NXPE3: variants seen among roughly 807,000 people sequenced by gnomAD.
NXPE3 encodes the protein neurexophilin and PC-esterase domain family member 3, also known as NXPE family member 3.
Under a neutral mutation model 46.1 loss-of-function variants are expected in NXPE3, and 26 were observed. That is an observed-to-expected ratio of 0.56 (90% confidence interval 0.41 to 0.78). The LOEUF is 0.78. Ranked by LOEUF, NXPE3 falls within the 30% of genes least tolerant of loss-of-function variation. The probability of loss-of-function intolerance (pLI) is 0.00; values close to 1 mark genes in which losing one functional copy is unlikely to be tolerated. For missense variants in NXPE3, 620 were observed against 686.0 expected (o/e 0.90, Z 1.07); for synonymous variants, 272 against 257.9 (o/e 1.05, Z -0.52).
intron 3 of NXPE3, among the ~76,000 whole-genome samples, chr3:101,783,034 G>A (rs1340260859): frequency 6.6e-6 from 1 of 152,102 alleles, no homozygotes; most frequent in African/African-American, 2.4e-5. Context: ...ACTGCCAAGA[G>A]GTGACAACTA....
At chr3:101,820,316 A>G (rs1424327663) in intron 7 of NXPE3, among the ~76,000 whole-genome samples, 1 of 152,230 alleles carries the variant, frequency 6.6e-6, no homozygotes, top group African/African-American at 2.4e-5. Flanking sequence ...AATCAAAACC[A>G]CAATGAAATT....
intron 6 of NXPE3, among the ~76,000 whole-genome samples, chr3:101,807,637 T>C (rs1941482627): frequency 6.6e-6 from 1 of 151,968 alleles, no homozygotes; most frequent in Non-Finnish European, 1.5e-5. Flanking sequence ...TTTAAGCTCA[T>C]GTAAAAGTTT....
chr3:101,807,444 C>T (rs887582270), intron 6 of NXPE3, among the ~76,000 whole-genome samples: 9 of 151,970 alleles, frequency 5.9e-5, no homozygotes, highest in South Asian at 4.1e-4. Flanking sequence ...CTCAGCCTCC[C>T]GAGTAGCTGG....
intron 3 of NXPE3, among the ~76,000 whole-genome samples, chr3:101,783,035 G>A (rs1284395677): frequency 6.6e-6 from 1 of 152,104 alleles, no homozygotes; most frequent in Non-Finnish European, 1.5e-5. Context: ...CTGCCAAGAG[G>A]TGACAACTAT....
At position 101,786,394 on chromosome 3, in the gene NXPE3, C is replaced by G. The variant is rs188676102; in HGVS notation, c.93+705C>G. ...TTGGGTTTTATTAGCCTAAGGTGCT[C>G]TAAAAGCTAAGCCATAGGCTTTTAA... On this transcript the variant is annotated intron_variant, in intron 4 of 7. Coordinates refer to ENST00000273347, the MANE Select transcript of NXPE3 (RefSeq NM_145037.4). Among the ~76,000 whole-genome samples the G allele has an allele frequency of 1.8e-3, 268 of 152,310 alleles. 3 individuals carry two copies. The highest frequency in any genetic ancestry group is 6.2e-3 in the African/African-American group (258 of 41,560).
chr3:101,806,708 A>G (rs1270892606), intron 5 of NXPE3, among the ~76,000 whole-genome samples: 1 of 152,176 alleles, frequency 6.6e-6, no homozygotes, highest in Non-Finnish European at 1.5e-5. Flanking sequence ...CCTGAAAACT[A>G]AGTAATGACA....
intron 5 of NXPE3, among the ~76,000 whole-genome samples, chr3:101,803,394 T>C (rs748600236): frequency 1.1e-4 from 17 of 152,034 alleles, no homozygotes; most frequent in Non-Finnish European, 2.5e-4. Context: ...TGTACAGTGT[T>C]TACTGTACTG....
chr3:101,788,796 A>G (rs1940338552), intron 4 of NXPE3, among the ~76,000 whole-genome samples: 1 of 151,958 alleles, frequency 6.6e-6, no homozygotes, highest in Admixed American at 6.5e-5. Context: ...TTGTATTTTT[A>G]GTAGAGATGG....
chr3:101,813,443 CT>C (rs1225943624), intron 6 of NXPE3, among the ~76,000 whole-genome samples: 6 of 151,990 alleles, frequency 3.9e-5, no homozygotes, highest in Admixed American at 2.0e-4. Context: ...GCCTTTTTCT[CT>C]TTCGTTTTGT....
At chr3:101,806,969 C>G in intron 5 of NXPE3, 84 bp from the exon 6 acceptor site, 1 of 907,968 alleles carries the variant, frequency 1.1e-6, no homozygotes, top group Non-Finnish European at 1.8e-6. Context: ...TGAAATTAGT[C>G]ATTTTATCAT....
At chr3:101,818,755 T>TATA (rs1942111864) in intron 7 of NXPE3, among the ~76,000 whole-genome samples, 3 of 57,104 alleles carry the variant, frequency 5.3e-5, no homozygotes, top group African/African-American at 2.7e-4. Flanking sequence ...ATATATATAT[T>TATA]TTTTTTTTTT....
At chr3:101,787,452 G>T (rs1224474995) in intron 4 of NXPE3, among the ~76,000 whole-genome samples, 1 of 152,118 alleles carries the variant, frequency 6.6e-6, no homozygotes, top group African/African-American at 2.4e-5. Flanking sequence ...GATTACAGGC[G>T]TGTGCCACCA....
At chr3:101,810,490 G>C (rs1034594230) in intron 6 of NXPE3, among the ~76,000 whole-genome samples, 1 of 152,134 alleles carries the variant, frequency 6.6e-6, no homozygotes, top group African/African-American at 2.4e-5. Flanking sequence ...AAATATGATG[G>C]TATATAATTC....
chr3:101,817,812 T>G (rs922607613), intron 7 of NXPE3, among the ~76,000 whole-genome samples: 18 of 152,204 alleles, frequency 1.2e-4, no homozygotes, highest in African/African-American at 4.3e-4. Context: ...AGGCTTTTAA[T>G]AAAGTAAAGC....
intron 6 of NXPE3, among the ~76,000 whole-genome samples, chr3:101,815,783 G>T (rs9831100): frequency 0.31 from 47,254 of 151,946 alleles, 7,954 homozygotes; most frequent in Middle Eastern, 0.46. Context: ...TGATCACAAC[G>T]TCAAGAGATT....
chr3:101,811,727 ATT>A (rs33999838), intron 6 of NXPE3, among the ~76,000 whole-genome samples: 5 of 98,626 alleles, frequency 5.1e-5, no homozygotes, highest in African/African-American at 7.5e-5. Context: ...GCAGTAGTTA[ATT>A]TTTTTTTTTT....
intron 4 of NXPE3, among the ~76,000 whole-genome samples, chr3:101,790,606 T>A (rs1454471193): frequency 6.6e-6 from 1 of 152,192 alleles, no homozygotes; most frequent in Non-Finnish European, 1.5e-5. Context: ...TTTTTTATTT[T>A]TTTTGAGACA....
At position 101,790,335 on chromosome 3, in the gene NXPE3, A is replaced by T. The variant is rs57655565; in HGVS notation, c.93+4646A>T. Among the ~76,000 whole-genome samples, 1,367 of 152,306 alleles carry T rather than the reference A, an allele frequency of 9.0e-3. 157 individuals carry two copies. In the East Asian group the frequency reaches 0.24, roughly 26 times the overall value. Reference sequence around the variant, plus strand: ...TGAAAGGAGAATATTGAAGTCTCTCACTATAATTGTGAATTTGTCTATTTC... The same window carrying T: ...TGAAAGGAGAATATTGAAGTCTCTCTCTATAATTGTGAATTTGTCTATTTC... On this transcript the variant is annotated intron_variant, in intron 4 of 7. Coordinates refer to ENST00000273347, the MANE Select transcript of NXPE3 (RefSeq NM_145037.4).
intron 6 of NXPE3, among the ~76,000 whole-genome samples, chr3:101,809,046 T>C (rs1038861881): frequency 6.6e-6 from 1 of 151,648 alleles, no homozygotes; most frequent in Non-Finnish European, 1.5e-5. Flanking sequence ...GTGATGTCCC[T>C]AGGTGTCCCA....
Sources: gnomAD v4.1 joint callset for allele counts (sites outside exome capture counted in the v4.1 genomes callset) on GRCh38, gnomAD v4.1.1 for gene constraint, MANE v1.5 for transcripts, NCBI Gene and HGNC (gene_info 2026-07-23, HGNC 2026-07-21) for gene names.